RANBP9: variants seen among roughly 807,000 people sequenced by gnomAD.
RANBP9 encodes RAN binding protein 9, also known as ran-binding protein 9.
RANBP9 carries 15 observed loss-of-function variants against 84.3 expected under a neutral mutation model. The observed-to-expected ratio is 0.18, with a 90% CI of 0.12 to 0.27. The LOEUF is 0.27. Ranked by LOEUF, RANBP9 falls within the 10% of genes least tolerant of loss-of-function variation. The pLI is 1.00. For missense variants in RANBP9, 809 were observed against 912.8 expected, an observed-to-expected ratio of 0.89 and a Z score of 1.46; for synonymous variants, 392 against 349.6, an observed-to-expected ratio of 1.12 and a Z score of -1.35.
chr6:13,684,382 G>A (rs960573494), intron 2 of RANBP9, among the ~76,000 whole-genome samples: 14 of 152,092 alleles, frequency 9.2e-5, no homozygotes, highest in Admixed American at 7.9e-4. Flanking sequence ...TATCAGCTCC[G>A]TGCTGATTTC....
chr6:13,687,836 T>C (rs371295363), intron 2 of RANBP9, among the ~76,000 whole-genome samples: 3 of 152,272 alleles, frequency 2.0e-5, no homozygotes, highest in African/African-American at 7.2e-5. Flanking sequence ...AATCCAACCA[T>C]ATAATTCCCT....
intron 10 of RANBP9, 145 bp downstream of exon 10, chr6:13,637,663 C>T (rs1388705153): frequency 1.4e-6 from 1 of 734,134 alleles, no homozygotes; most frequent in African/African-American, 1.8e-5. Context: ...GGAACTGACT[C>T]CCTACGCTTT....
At chr6:13,691,726 C>T (rs571749575) in intron 2 of RANBP9, among the ~76,000 whole-genome samples, 4 of 152,146 alleles carry the variant, frequency 2.6e-5, no homozygotes, top group South Asian at 2.1e-4. Context: ...AGTGCAGTGG[C>T]GTGATGTCGG....
At chr6:13,664,506 G>A (rs1350229653) in intron 2 of RANBP9, among the ~76,000 whole-genome samples, 1 of 151,826 alleles carries the variant, frequency 6.6e-6, no homozygotes, top group African/African-American at 2.4e-5. Context: ...GTATATAGAA[G>A]CTGATTAATG....
intron 2 of RANBP9, among the ~76,000 whole-genome samples, chr6:13,679,457 A>T (rs1250530008): frequency 1.3e-5 from 2 of 152,196 alleles, no homozygotes; most frequent in Non-Finnish European, 2.9e-5. Flanking sequence ...ATCTGTAGTT[A>T]ACTACTACAA....
intron 10 of RANBP9, among the ~76,000 whole-genome samples, chr6:13,636,382 A>G (rs1181957266): frequency 6.6e-6 from 1 of 152,240 alleles, no homozygotes; most frequent in African/African-American, 2.4e-5. Flanking sequence ...CTTATAGCTT[A>G]AGGCAGTTCA....
In RANBP9 at chr6:13,632,448, A is replaced by G. The variant is rs781120425; in HGVS notation, c.1869T>C (p.Phe623=). ...CACTCATTGCTTGCAGCTCTCGTCC[A>G]AAGTGGATCATTCTTTCTATGGCGG... ...SQAAIERMIH[F]GRELQAMSEQ... Residue 623 remains phenylalanine, a synonymous_variant, in exon 12 of 14, where the codon TTT becomes TTC. Transcript: ENST00000011619. 1.9e-6 allele frequency: 3 copies of G among 1,613,874 alleles called. No individual in the cohort carries two copies. Among genetic ancestry groups the G allele is most frequent in the African/African-American group, 2.7e-5 (2 of 74,884 alleles).
chr6:13,702,770 C>T (rs188639350), intron 1 of RANBP9, among the ~76,000 whole-genome samples: 100 of 151,926 alleles, frequency 6.6e-4, no homozygotes, highest in African/African-American at 2.3e-3. Flanking sequence ...TAGGAAATGC[C>T]TCATCTCTTC....
At chr6:13,646,460 A>G (rs185647301) in intron 5 of RANBP9, among the ~76,000 whole-genome samples, 4 of 152,242 alleles carry the variant, frequency 2.6e-5, no homozygotes, top group African/African-American at 9.6e-5. Flanking sequence ...AAAAAACACT[A>G]CAGAGTTATG....
At chr6:13,699,445 C>T (rs2113361672) in intron 1 of RANBP9, among the ~76,000 whole-genome samples, 1 of 152,260 alleles carries the variant, frequency 6.6e-6, no homozygotes, top group Admixed American at 6.5e-5. Context: ...AGTTGAGTAT[C>T]CCTTATCTGA....
chr6:13,659,548 TGATA>T (rs1177088434), intron 2 of RANBP9, among the ~76,000 whole-genome samples: 4 of 152,074 alleles, frequency 2.6e-5, no homozygotes, highest in Non-Finnish European at 4.4e-5. Context: ...CAACAAAACC[TGATA>T]AATATAGTTC....
At chr6:13,625,480 C>A (rs4712058) in intron 13 of RANBP9, among the ~76,000 whole-genome samples, 173 bp downstream of exon 13, 2 of 152,220 alleles carry the variant, frequency 1.3e-5, no homozygotes, top group Non-Finnish European at 2.9e-5. Context: ...TTTAAATCCA[C>A]TTGAATCTGG....
chr6:13,695,432 A>G (rs1264273890), intron 2 of RANBP9, among the ~76,000 whole-genome samples: 2 of 149,336 alleles, frequency 1.3e-5, no homozygotes, highest in African/African-American at 4.9e-5. Flanking sequence ...TTTTCAGAAA[A>G]AGATTTTAAA....
chr6:13,627,454 ACC>A (rs1445767993), intron 12 of RANBP9, among the ~76,000 whole-genome samples: 1 of 151,742 alleles, frequency 6.6e-6, no homozygotes, highest in African/African-American at 2.4e-5. Flanking sequence ...ACATGGTGAA[ACC>A]CCATCTCCAC....
At chr6:13,665,390 C>T (rs1173585472) in intron 2 of RANBP9, among the ~76,000 whole-genome samples, 1 of 152,088 alleles carries the variant, frequency 6.6e-6, no homozygotes, top group African/African-American at 2.4e-5. Flanking sequence ...TGAAAAAGTG[C>T]TCCAAATTGT....
chr6:13,687,185 CAACTT>C (rs1210616888), intron 2 of RANBP9, among the ~76,000 whole-genome samples: 1 of 152,128 alleles, frequency 6.6e-6, no homozygotes, highest in East Asian at 1.9e-4. Flanking sequence ...ATGGCTTTAA[CAACTT>C]AACCTTCTGA....
At chr6:13,652,235 A>ATT (rs1329088385) in intron 5 of RANBP9, among the ~76,000 whole-genome samples, 2 of 152,184 alleles carry the variant, frequency 1.3e-5, no homozygotes, top group African/African-American at 4.8e-5. Flanking sequence ...CTTGAATACT[A>ATT]TAAAGTCCAA....
intron 12 of RANBP9, among the ~76,000 whole-genome samples, chr6:13,627,342 G>T (rs1438152410): frequency 2.6e-5 from 4 of 151,912 alleles, no homozygotes; most frequent in African/African-American, 9.7e-5. Flanking sequence ...ACATTATTTT[G>T]TTTTTGGCCG....
At chr6:13,670,755 A>C (rs375007148) in intron 2 of RANBP9, among the ~76,000 whole-genome samples, 1 of 151,000 alleles carries the variant, frequency 6.6e-6, no homozygotes, top group Admixed American at 6.6e-5. Context: ...AGCCAAGATC[A>C]TACCACTGCA....
Sources: gnomAD v4.1 joint callset for allele counts (sites outside exome capture counted in the v4.1 genomes callset) on GRCh38, gnomAD v4.1.1 for gene constraint, MANE v1.5 for transcripts, NCBI Gene and HGNC (gene_info 2026-07-23, HGNC 2026-07-21) for gene names.